UPRT: variants seen among roughly 807,000 people sequenced by gnomAD.
The protein encoded by UPRT is RP11-311P8.3.
In UPRT, 5 loss-of-function variants were observed where a neutral mutation model predicts 22.6. The ratio of observed to expected loss-of-function variants is 0.22; its 90% CI spans 0.12 to 0.47. UPRT has a LOEUF of 0.47. Among genes scored for constraint, UPRT ranks in the 20% least tolerant of loss-of-function variants. The pLI is 0.99. For missense variants in UPRT, 181 were observed against 239.9 expected (o/e 0.75, Z 1.62); for synonymous variants, 77 against 87.7 (o/e 0.88, Z 0.68).
At chrX:75,300,184 C>G (rs2082739361) in intron 5 of UPRT, among the ~76,000 whole-genome samples, 1 of 111,436 alleles carries the variant, frequency 9.0e-6, no homozygotes, top group Non-Finnish European at 1.9e-5. Flanking sequence ...AAACATATCT[C>G]CTCTTTAGCC....
In UPRT at chrX:75,251,295, T is replaced by C. The variant is rs186788865; in HGVS notation, c.-446-39729T>C. ...TTGTCCCTGTTTGCAGATGACATGATTGTATATCTAGAAAACCCGATCGTC... is the reference window on the plus strand; with the variant it reads ...TTGTCCCTGTTTGCAGATGACATGACTGTATATCTAGAAAACCCGATCGTC... On this transcript the variant is annotated intron_variant, in intron 4 of 13. Coordinates refer to the UPRT transcript ENST00000652605. 8.3e-3 allele frequency among the ~76,000 whole-genome samples: 927 copies of C among 111,599 alleles called. 11 individuals are homozygous for C. The highest frequency in any genetic ancestry group is 0.028 in the African/African-American group (849 of 30,654).
intron 4 of UPRT, among the ~76,000 whole-genome samples, chrX:75,264,264 T>G (rs1268272856): frequency 9.0e-6 from 1 of 111,500 alleles, no homozygotes; most frequent in Non-Finnish European, 1.9e-5. Context: ...CTGAGTTCAA[T>G]TCCTGGAGAT....
chrX:75,294,621 G>GTT (rs777752134), intron 2 of UPRT: 1 of 979,122 alleles, frequency 1.0e-6, no homozygotes, highest in Admixed American at 2.8e-5. Context: ...GCTTTTCATC[G>GTT]TAAGTATTCT....
rs1228058946 is a variant in UPRT at position 75,266,296 on chromosome X, A to G, written c.-446-24728A>G. ...TCAGAAATAATGCCGCATATCTACA[A>G]CCATCTGATCTTTGACAAATCTGAC... is the stretch of plus-strand genomic sequence containing the variant. On this transcript the variant is annotated intron_variant, in intron 4 of 13. Transcript: ENST00000652605. 4.5e-5 allele frequency among the ~76,000 whole-genome samples: 5 copies of G among 111,149 alleles called. No individual in the cohort carries two copies. The Admixed American group carries it at 4.8e-4, about 11-fold the overall frequency.
intron 4 of UPRT, among the ~76,000 whole-genome samples, chrX:75,250,481 G>A (rs765085308): frequency 3.6e-5 from 4 of 111,538 alleles, no homozygotes; most frequent in East Asian, 2.8e-4. Flanking sequence ...TAAATTCCTC[G>A]ACACATACAC....
intron 4 of UPRT, among the ~76,000 whole-genome samples, chrX:75,254,939 C>A (rs2147664969): frequency 9.1e-6 from 1 of 109,674 alleles, no homozygotes; most frequent in Non-Finnish European, 1.9e-5. Flanking sequence ...CCGCACCCGG[C>A]TAATTTTTTG....
intron 4 of UPRT, among the ~76,000 whole-genome samples, chrX:75,223,652 T>C (rs746757276): frequency 4.5e-5 from 5 of 111,674 alleles, no homozygotes; most frequent in African/African-American, 1.6e-4. Context: ...AGTCCCACAA[T>C]CACTGCAGTT....
chrX:75,203,951 G>C (rs937866095), intron 4 of UPRT, among the ~76,000 whole-genome samples: 8 of 110,988 alleles, frequency 7.2e-5, no homozygotes, highest in African/African-American at 9.9e-5. Context: ...TTGATTATCT[G>C]GTTGCTTCCT....
chrX:75,291,358 T>C (rs1284813177), intron 1 of UPRT: 1 of 311,433 alleles, frequency 3.2e-6, no homozygotes, highest in Admixed American at 3.5e-5. Context: ...TTGGAACTAT[T>C]ATCAGATAGA....
chrX:75,283,176 A>G (rs186927951), intron 1 of UPRT, among the ~76,000 whole-genome samples: 1 of 111,818 alleles, frequency 8.9e-6, no homozygotes, highest in African/African-American at 3.3e-5. Context: ...CTCATGTGTT[A>G]GGTGAGTCTC....
intron 4 of UPRT, among the ~76,000 whole-genome samples, chrX:75,213,542 G>T (rs1049302147): frequency 9.0e-6 from 1 of 111,412 alleles, no homozygotes; most frequent in Non-Finnish European, 1.9e-5. Flanking sequence ...ATTGTCAGAG[G>T]GAGTCAAGAC....
intron 4 of UPRT, among the ~76,000 whole-genome samples, chrX:75,168,907 T>C (rs1484467603): frequency 8.9e-6 from 1 of 111,835 alleles, no homozygotes; most frequent in African/African-American, 3.3e-5. Flanking sequence ...ACCCATTTTG[T>C]AGCTTTTTAT....
intron 4 of UPRT, among the ~76,000 whole-genome samples, chrX:75,299,302 T>G (rs184842230): frequency 6.2e-5 from 7 of 112,526 alleles, no homozygotes; most frequent in African/African-American, 2.3e-4. Flanking sequence ...AAGGAGACTT[T>G]CTGATCTACA....
chrX:75,264,374 C>A (rs921889261), intron 4 of UPRT, among the ~76,000 whole-genome samples: 1 of 111,451 alleles, frequency 9.0e-6, no homozygotes, highest in East Asian at 2.8e-4. Context: ...CTTTGTAGGT[C>A]TCTAAGGACT....
At position 75,257,644 on chromosome X, in the gene UPRT, C is replaced by T. The variant is rs143387932; in HGVS notation, c.-446-33380C>T. ...AAGTTTCTCCAGAAAGCTCCTAGAACTGATAAAAGAATTCAGTAAAGTTTC... is the reference window on the plus strand; with the variant it reads ...AAGTTTCTCCAGAAAGCTCCTAGAATTGATAAAAGAATTCAGTAAAGTTTC... On this transcript the variant is annotated intron_variant, in intron 4 of 13. Transcript: ENST00000652605. Among the ~76,000 whole-genome samples the T allele has an allele frequency of 8.0e-3, 888 of 111,687 alleles. 11 individuals carry two copies. Among genetic ancestry groups the T allele is most frequent in the African/African-American group, 0.027 (816 of 30,745 alleles).
intron 4 of UPRT, among the ~76,000 whole-genome samples, chrX:75,193,448 A>T (rs908914648): frequency 1.8e-5 from 2 of 110,606 alleles, no homozygotes; most frequent in African/African-American, 6.6e-5. Context: ...TGTCTTGAGG[A>T]TGGTCTTCTT....
intron 4 of UPRT, among the ~76,000 whole-genome samples, chrX:75,182,118 T>C (rs915569447): frequency 3.6e-5 from 4 of 112,012 alleles, no homozygotes; most frequent in African/African-American, 1.3e-4. Context: ...GTTTTGTTTG[T>C]TTGTTTGTTT....
chrX:75,168,140 C>A, intron 4 of UPRT, among the ~76,000 whole-genome samples: 1 of 112,046 alleles, frequency 8.9e-6, no homozygotes, highest in African/African-American at 3.2e-5. Context: ...CGCACTTTTT[C>A]TAAAATGAAT....
intron 4 of UPRT, among the ~76,000 whole-genome samples, chrX:75,225,052 G>A (rs962597734): frequency 2.7e-5 from 3 of 110,786 alleles, no homozygotes; most frequent in African/African-American, 9.9e-5. Context: ...TCAGTGGAGC[G>A]GTCGCAGTAG....
Sources: allele counts gnomAD v4.1 joint callset (sites outside exome capture counted in the v4.1 genomes callset), GRCh38; gene constraint gnomAD v4.1.1; transcripts MANE v1.5; gene names NCBI Gene and HGNC (gene_info 2026-07-23, HGNC 2026-07-21).